Variants in MAPK4 observed in about 807,000 individuals in gnomAD.
MAPK4 encodes mitogen-activated protein kinase 4, also known as Erk3-related.
In MAPK4, 22 loss-of-function variants were observed where a neutral mutation model predicts 47.7. That is an observed-to-expected ratio of 0.46 (90% confidence interval 0.33 to 0.66). The LOEUF (loss-of-function observed/expected upper bound fraction) is 0.66, where lower values mean the gene tolerates loss of function less well. Among genes scored for constraint, MAPK4 ranks in the 30% least tolerant of loss-of-function variants. The pLI is 0.02. For synonymous variants in MAPK4, 390 were observed against 365.7 expected (o/e 1.07, Z -0.76); for missense variants, 736 against 831.7 (o/e 0.88, Z 1.42).
intron 1 of MAPK4, among the ~76,000 whole-genome samples, chr18:50,657,327 G>A (rs749157022): frequency 3.9e-5 from 6 of 152,166 alleles, no homozygotes; most frequent in Non-Finnish European, 5.9e-5. Context: ...CTGGGACTCC[G>A]GGAAATGTGA....
intron 1 of MAPK4, among the ~76,000 whole-genome samples, chr18:50,658,684 T>G (rs1271269119): frequency 1.3e-5 from 2 of 152,240 alleles, no homozygotes; most frequent in African/African-American, 4.8e-5. Flanking sequence ...GAAGGGACTT[T>G]AGGCCAGATT....
chr18:50,729,051 G>T (rs1381649672), intron 5 of MAPK4, 107 bp from the exon 6 acceptor site: 7 of 957,484 alleles, frequency 7.3e-6, no homozygotes, highest in Non-Finnish European at 1.1e-5. Flanking sequence ...AGGGATGGGG[G>T]TCGAAGGCAG....
At chr18:50,587,581 G>C (rs958882312) in intron 1 of MAPK4, among the ~76,000 whole-genome samples, 2 of 152,168 alleles carry the variant, frequency 1.3e-5, no homozygotes, top group Non-Finnish European at 2.9e-5. Context: ...CATCCCAGTA[G>C]GGGCAGCCCC....
At chr18:50,684,504 C>T (rs1015444665) in intron 2 of MAPK4, among the ~76,000 whole-genome samples, 1 of 151,868 alleles carries the variant, frequency 6.6e-6, no homozygotes, top group African/African-American at 2.4e-5. Flanking sequence ...CGTAATCAAG[C>T]CACTATACTC....
chr18:50,585,980 G>A (rs1207209529), intron 1 of MAPK4, among the ~76,000 whole-genome samples: 2 of 152,142 alleles, frequency 1.3e-5, no homozygotes, highest in African/African-American at 2.4e-5. Context: ...TGGGGATTAT[G>A]GGAGCTACAA....
At chr18:50,704,368 G>A (rs1333785331) in intron 2 of MAPK4, among the ~76,000 whole-genome samples, 3 of 152,148 alleles carry the variant, frequency 2.0e-5, no homozygotes, top group East Asian at 1.9e-4. Flanking sequence ...AATTAGCCAG[G>A]CGTGGTGGTG....
At chr18:50,595,853 G>C (rs1365044012) in intron 1 of MAPK4, among the ~76,000 whole-genome samples, 1 of 151,954 alleles carries the variant, frequency 6.6e-6, no homozygotes, top group East Asian at 1.9e-4. Context: ...TTCATCACAC[G>C]CTTTCCATTT....
chr18:50,613,498 T>C (rs566931994), intron 1 of MAPK4, among the ~76,000 whole-genome samples: 9 of 152,330 alleles, frequency 5.9e-5, no homozygotes, highest in Admixed American at 2.0e-4. Context: ...ACACTTTGAT[T>C]GAAGCCTTGT....
At chr18:50,603,193 C>G (rs2042554948) in intron 1 of MAPK4, among the ~76,000 whole-genome samples, 1 of 152,188 alleles carries the variant, frequency 6.6e-6, no homozygotes, top group Non-Finnish European at 1.5e-5. Flanking sequence ...GCCCAGGCCT[C>G]TCCCCTGTCA....
At chr18:50,598,047 A>G (rs947840277) in intron 1 of MAPK4, among the ~76,000 whole-genome samples, 1 of 152,208 alleles carries the variant, frequency 6.6e-6, no homozygotes, top group African/African-American at 2.4e-5. Context: ...TCACTCTCAC[A>G]CATTCATCCT....
At chr18:50,646,883 G>A (rs1183540409) in intron 1 of MAPK4, among the ~76,000 whole-genome samples, 3 of 152,182 alleles carry the variant, frequency 2.0e-5, no homozygotes, top group Non-Finnish European at 2.9e-5. Flanking sequence ...CAATTTAAAT[G>A]TCACTTCTTC....
intron 2 of MAPK4, among the ~76,000 whole-genome samples, chr18:50,670,756 C>CAAAA (rs34523525): frequency 9.6e-6 from 1 of 104,690 alleles, no homozygotes; most frequent in African/African-American, 3.8e-5. Flanking sequence ...GACTCCGTCT[C>CAAAA]AAAAAAAAAA....
At chr18:50,634,702 C>A (rs186837066) in intron 1 of MAPK4, among the ~76,000 whole-genome samples, 1 of 152,288 alleles carries the variant, frequency 6.6e-6, no homozygotes, top group East Asian at 1.9e-4. Context: ...AGCCAGGGAA[C>A]AACTAGGAAC....
intron 1 of MAPK4, among the ~76,000 whole-genome samples, chr18:50,626,202 C>T (rs957515347): frequency 3.3e-5 from 5 of 152,312 alleles, no homozygotes; most frequent in South Asian, 4.1e-4. Context: ...AAATCTCATC[C>T]AAAAACATCC....
intron 1 of MAPK4, among the ~76,000 whole-genome samples, chr18:50,572,261 T>G (rs2042256454): frequency 6.6e-6 from 1 of 152,096 alleles, no homozygotes; most frequent in African/African-American, 2.4e-5. Flanking sequence ...GAGCGAGAGT[T>G]TTTTACACTA....
chr18:50,561,052 A>G lies in MAPK4; in HGVS notation c.-871+809A>G, dbSNP rs547987727. 3.9e-5 allele frequency among the ~76,000 whole-genome samples: 6 copies of G among 152,326 alleles called. No homozygotes were observed. In the South Asian group the frequency reaches 1.2e-3, roughly 32 times the overall value. On this transcript the variant is annotated intron_variant, in intron 1 of 5. Transcript: ENST00000400384. ...CGGGAGTTCCAGGTGCGTCCCCGAA[A>G]TGACCATTGGAGGCGGCGGCTGTTT...
At chr18:50,579,581 C>T (rs758772426) in intron 1 of MAPK4, among the ~76,000 whole-genome samples, 8 of 152,138 alleles carry the variant, frequency 5.3e-5, no homozygotes, top group Admixed American at 2.6e-4. Context: ...CTGGGAGTCA[C>T]GCTTTTACCT....
intron 2 of MAPK4, among the ~76,000 whole-genome samples, chr18:50,686,298 T>G (rs1388074216): frequency 6.6e-6 from 1 of 152,156 alleles, no homozygotes; most frequent in East Asian, 1.9e-4. Flanking sequence ...AAACATTAAA[T>G]TCTGTTCCCT....
In MAPK4 at chr18:50,634,884, C is replaced by T. The variant is rs1396113308; in HGVS notation, c.-870-28205C>T. Reference sequence around the variant, plus strand: ...GACTCAAGCCACACCAGGTCTTACACACTCCAGAGCAGTGGTGCTCAATCC... The same window carrying T: ...GACTCAAGCCACACCAGGTCTTACATACTCCAGAGCAGTGGTGCTCAATCC... On this transcript the variant is annotated intron_variant, in intron 1 of 5. Transcript: ENST00000400384. Among the ~76,000 whole-genome samples the T allele has an allele frequency of 2.6e-5, 4 of 152,130 alleles. No individual in the cohort carries two copies. In the East Asian group the frequency reaches 7.7e-4, roughly 29 times the overall value.
Sources: gnomAD v4.1 joint callset for allele counts (sites outside exome capture counted in the v4.1 genomes callset) on GRCh38, gnomAD v4.1.1 for gene constraint, MANE v1.5 for transcripts, NCBI Gene and HGNC (gene_info 2026-07-23, HGNC 2026-07-21) for gene names.